Variants in STK10 observed in about 807,000 individuals in gnomAD.
The protein encoded by STK10 is serine/threonine kinase 10.
A neutral mutation model predicts 113.8 loss-of-function variants in STK10; 78 were observed. The observed-to-expected ratio is 0.69, with a 90% confidence interval of 0.57 to 0.83. The LOEUF is 0.83. Ranked by LOEUF, STK10 falls within the 40% of genes least tolerant of loss-of-function variation. STK10 has a pLI of 0.00. For synonymous variants in STK10, 465 were observed against 494.7 expected (o/e 0.94, Z 0.80); for missense variants, 1,109 against 1,280.1 (o/e 0.87, Z 2.04).
intron 2 of STK10, among the ~76,000 whole-genome samples, chr5:172,132,017 G>A (rs1191754702): frequency 1.3e-5 from 2 of 152,156 alleles, no homozygotes; most frequent in East Asian, 1.9e-4. Context: ...GAAGGCCCTC[G>A]CCAGATGCAG....
intron 13 of STK10, among the ~76,000 whole-genome samples, chr5:172,063,067 T>G (rs1038638785): frequency 6.6e-6 from 1 of 152,066 alleles, no homozygotes; most frequent in Admixed American, 6.5e-5. Context: ...CTGGCCAACA[T>G]GGTGAAACCC....
chr5:172,109,819 T>C (rs1483119911), intron 4 of STK10, among the ~76,000 whole-genome samples: 1 of 152,216 alleles, frequency 6.6e-6, no homozygotes, highest in Non-Finnish European at 1.5e-5. Context: ...GAATGGAATT[T>C]ATGAGGGGTG....
chr5:172,075,993 T>C (rs79620180), intron 12 of STK10, among the ~76,000 whole-genome samples: 32,007 of 152,034 alleles, frequency 0.21, 4,367 homozygotes, highest in African/African-American at 0.38. Flanking sequence ...TTCTTGTCTC[T>C]TCTTTCAATT....
chr5:172,132,365 G>T (rs1769773733), intron 2 of STK10, among the ~76,000 whole-genome samples: 1 of 151,170 alleles, frequency 6.6e-6, no homozygotes, highest in African/African-American at 2.4e-5. Context: ...TTCAACCTAG[G>T]GGCTTTAGTT....
chr5:172,077,702 T>C (rs1768341910), intron 12 of STK10, among the ~76,000 whole-genome samples: 1 of 152,154 alleles, frequency 6.6e-6, no homozygotes, highest in Admixed American at 6.5e-5. Flanking sequence ...CCCACACCAA[T>C]TGCTGTAATA....
chr5:172,176,614 C>G (rs7702280), intron 1 of STK10, among the ~76,000 whole-genome samples: 64,613 of 151,634 alleles, frequency 0.43, 16,314 homozygotes, highest in African/African-American at 0.72. Flanking sequence ...CATCAAAAGA[C>G]AGTCCTTCTC....
chr5:172,131,503 C>A (rs1161943073), intron 2 of STK10, among the ~76,000 whole-genome samples: 1 of 152,188 alleles, frequency 6.6e-6, no homozygotes, highest in East Asian at 1.9e-4. Context: ...GGCTTGCTTC[C>A]TCTTCTTTAG....
At chr5:172,084,509 T>C (rs891273151) in intron 10 of STK10, among the ~76,000 whole-genome samples, 2 of 152,028 alleles carry the variant, frequency 1.3e-5, no homozygotes, top group Non-Finnish European at 1.5e-5. Flanking sequence ...CCACCTTATC[T>C]GGGAGAAAAA....
At chr5:172,163,545 G>C (rs7736797) in intron 1 of STK10, among the ~76,000 whole-genome samples, 17,047 of 152,114 alleles carry the variant, frequency 0.11, 1,496 homozygotes, top group African/African-American at 0.25. Context: ...CCTTGGTGCC[G>C]GTTTCCCAAG....
intron 5 of STK10, chr5:172,107,032 T>G (rs931422074): frequency 8.0e-6 from 2 of 250,874 alleles, no homozygotes; most frequent in Non-Finnish European, 1.6e-5. Context: ...GCAGTTCCGA[T>G]GCCTACCGCG....
chr5:172,180,598 C>G (rs1770837372), intron 1 of STK10, among the ~76,000 whole-genome samples: 1 of 151,780 alleles, frequency 6.6e-6, no homozygotes, highest in African/African-American at 2.4e-5. Flanking sequence ...CAAGACCAGC[C>G]TGGCCAACAT....
chr5:172,064,830 G>GA lies in STK10; in HGVS notation c.1990-19dup. The GA allele has an allele frequency of 6.2e-7, 1 of 1,613,644 alleles. No individual in the cohort carries two copies. The highest frequency in any genetic ancestry group is 8.5e-7 in the Non-Finnish European group (1 of 1,179,840). ...TTCTTCACCTGCAGCAGAGACAGCA[G>GA]AGAGTAGCTGGGTCAGGGTCCTCTC... On this transcript the variant is annotated intron_variant, in intron 12 of 18. Coordinates refer to ENST00000176763, the MANE Select transcript of STK10 (RefSeq NM_005990.4).
intron 12 of STK10, among the ~76,000 whole-genome samples, chr5:172,076,747 T>A (rs1694478048): frequency 6.6e-6 from 1 of 152,232 alleles, no homozygotes; most frequent in African/African-American, 2.4e-5. Flanking sequence ...GCCTTGGAGA[T>A]GCTATATAAC....
At chr5:172,070,267 A>G (rs140138648) in intron 12 of STK10, among the ~76,000 whole-genome samples, 260 of 150,356 alleles carry the variant, frequency 1.7e-3, no homozygotes, top group African/African-American at 4.3e-3. Context: ...ATATATCTAT[A>G]TATCTATATA....
intron 1 of STK10, among the ~76,000 whole-genome samples, chr5:172,171,663 C>A (rs1770666805): frequency 7.0e-6 from 1 of 143,668 alleles, no homozygotes; most frequent in Non-Finnish European, 1.6e-5. Flanking sequence ...TGCAGTAAGC[C>A]AAGATCGCGT....
chr5:172,095,058 A>AT (rs762971615), intron 8 of STK10, among the ~76,000 whole-genome samples: 30 of 152,182 alleles, frequency 2.0e-4, no homozygotes, highest in Non-Finnish European at 4.0e-4. Flanking sequence ...CTCAGTGGCA[A>AT]TGCTCTCCCA....
At chr5:172,064,560 G>T in intron 13 of STK10, 160 bp downstream of exon 13, 1 of 687,394 alleles carries the variant, frequency 1.5e-6, no homozygotes, top group Non-Finnish European at 2.5e-6. Context: ...AGGCTGCATG[G>T]AGGAGGGGAT....
At chr5:172,116,538 A>T (rs899133768) in intron 4 of STK10, among the ~76,000 whole-genome samples, 3 of 152,182 alleles carry the variant, frequency 2.0e-5, no homozygotes, top group Non-Finnish European at 4.4e-5. Flanking sequence ...TTAAAAAAAT[A>T]AAAACATTAA....
intron 13 of STK10, among the ~76,000 whole-genome samples, chr5:172,063,111 G>A (rs1230161478): frequency 1.3e-5 from 2 of 152,024 alleles, no homozygotes; most frequent in South Asian, 2.1e-4. Context: ...TTAGCTAGGC[G>A]TGATGGCAGG....
Sources: allele counts gnomAD v4.1 joint callset (sites outside exome capture counted in the v4.1 genomes callset), GRCh38; gene constraint gnomAD v4.1.1; transcripts MANE v1.5; gene names NCBI Gene and HGNC (gene_info 2026-07-23, HGNC 2026-07-21).